Variants in AKR1B1 observed in about 807,000 individuals in gnomAD.
AKR1B1 encodes aldo-keto reductase family 1 member B.
In AKR1B1, 22 loss-of-function variants were observed where a neutral mutation model predicts 40.4. The ratio of observed to expected loss-of-function variants is 0.54; its 90% confidence interval spans 0.39 to 0.78. The LOEUF (loss-of-function observed/expected upper bound fraction) is 0.78, where lower values mean the gene tolerates loss of function less well. AKR1B1 is among the 30% of genes least tolerant of loss of function. The pLI, the probability that AKR1B1 is intolerant of heterozygous loss-of-function variation, is 0.00. For synonymous variants in AKR1B1, 157 were observed against 149.9 expected (o/e 1.05, Z -0.35); for missense variants, 357 against 396.7 (o/e 0.90, Z 0.85).
intron 5 of AKR1B1, 129 bp downstream of exon 5, chr7:134,448,868 T>G (rs17660462): frequency 0.19 from 206,393 of 1,108,912 alleles, 22,967 homozygotes; most frequent in Non-Finnish European, 0.23. Context: ...GAATCATAAC[T>G]CAGGACTCTG....
At position 134,442,710 on chromosome 7, in the gene AKR1B1, G is replaced by C. The variant is rs372374617; in HGVS notation, c.*18C>G. 1.2e-6 allele frequency: 2 copies of C among 1,613,618 alleles called. No individual in the cohort carries two copies. Among genetic ancestry groups the C allele is most frequent in the Non-Finnish European group, 1.7e-6 (2 of 1,179,600 alleles). Reference sequence around the variant, plus strand: ...ACACAGGTATAGGTCACTTGGGGACGAGCAGGCAACCACAGCTTCAAAACT... The same window carrying C: ...ACACAGGTATAGGTCACTTGGGGACCAGCAGGCAACCACAGCTTCAAAACT... On this transcript the variant is annotated 3_prime_UTR_variant, in exon 10 of 10. Coordinates refer to ENST00000285930, the MANE Select transcript of AKR1B1 (RefSeq NM_001628.4).
At position 134,449,709 on chromosome 7, in the gene AKR1B1, G is replaced by C. The variant is rs377548852; in HGVS notation, c.429+11C>G. On this transcript the variant is annotated intron_variant, in intron 4 of 9. Coordinates refer to ENST00000285930, the MANE Select transcript of AKR1B1 (RefSeq NM_001628.4). ...GTCACGAAAACAAGGTCCAACCAGG[G>C]GCTGTCTTACCGCCCACGTGTCCAG... 8.2e-5 allele frequency: 132 copies of C among 1,611,782 alleles called. No individual in the cohort carries two copies. The African/African-American group carries it at 1.3e-3, about 16-fold the overall frequency.
At chr7:134,458,916 G>A (rs1310026316) in intron 1 of AKR1B1, 81 bp downstream of exon 1, 1 of 1,474,770 alleles carries the variant, frequency 6.8e-7, no homozygotes, top group Admixed American at 2.0e-5. Flanking sequence ...GCTGCTCAGG[G>A]TCACTCGGGG....
At chr7:134,446,389 G>A (rs1806096630) in intron 8 of AKR1B1, among the ~76,000 whole-genome samples, 3 of 152,212 alleles carry the variant, frequency 2.0e-5, no homozygotes, top group Admixed American at 2.0e-4. Flanking sequence ...ACAGTCTTTG[G>A]GCAGTGGAAT....
Position 134,445,254 on chromosome 7 carries a change from C to G in AKR1B1, c.892G>C (p.Val298Leu). The change falls in exon 9 of 10, where the codon GTC becomes CTC. Residue 298 changes from valine (V) to leucine (L), a missense_variant. Coordinates refer to ENST00000285930, the MANE Select transcript of AKR1B1 (RefSeq NM_001628.4). Reference protein sequence around the residue: ...TLLSYNRNWRVCALLSCTSHK... With the variant: ...TLLSYNRNWRLCALLSCTSHK... ...CTCACTCACCTCAACAAGGCACAGA[C>G]CCTCCAGTTCCTGTTGTAGCTGAGT... The G allele has an allele frequency of 6.2e-7, 1 of 1,612,038 alleles. No homozygotes were observed. Among genetic ancestry groups the G allele is most frequent in the Non-Finnish European group, 8.5e-7 (1 of 1,179,650 alleles).
intron 8 of AKR1B1, 146 bp downstream of exon 8, chr7:134,447,150 TCA>T (rs1178902795): frequency 1.3e-6 from 1 of 762,544 alleles, no homozygotes; most frequent in Non-Finnish European, 2.2e-6. Context: ...GGTGTCAGTC[TCA>T]GTCTTGGCTT....
At position 134,450,894 on chromosome 7, in the gene AKR1B1, G is replaced by T; in HGVS notation, c.243C>A (p.Cys81Ter). The change falls in exon 3 of 10, where the codon TGC becomes TGA. Residue 81 changes from cysteine to a stop codon, truncating the protein, a stop_gained. Coordinates refer to ENST00000285930, the MANE Select transcript of AKR1B1 (RefSeq NM_001628.4). LOFTEE classifies it high-confidence loss of function. ...EELFIVSKLWCTYHEKGLVKG... is the reference protein window; with the variant it reads ...EELFIVSKLW The stretch of plus-strand genomic sequence containing the variant: ...TCACCAGGCCCTTCTCATGGTACGT[G>T]CACCACAGCTAAGCCAGCGAGAGGG... 6.2e-7 allele frequency: 1 copy of T among 1,613,908 alleles called. No individual in the cohort carries two copies. The highest frequency in any genetic ancestry group is 8.5e-7 in the Non-Finnish European group (1 of 1,179,856).
In AKR1B1 at chr7:134,442,572, T is replaced by G; in HGVS notation, c.*156A>C. On this transcript the variant is annotated 3_prime_UTR_variant, in exon 10 of 10. Transcript: ENST00000285930. ...ACTTCTACTCTACTGACAGGGCTCT[T>G]GAGATCCAACATCAAGCTAGACACG... 1 of 659,406 alleles carries G rather than the reference T, an allele frequency of 1.5e-6. No individual in the cohort carries two copies. Among genetic ancestry groups the G allele is most frequent in the Non-Finnish European group, 2.7e-6 (1 of 371,932 alleles). 40.8% of individuals were successfully genotyped at this position (659,406 alleles called of 1,614,324 possible).
chr7:134,456,265 C>T (rs1806468731), intron 1 of AKR1B1, among the ~76,000 whole-genome samples: 2 of 151,896 alleles, frequency 1.3e-5, no homozygotes, highest in Non-Finnish European at 2.9e-5. Context: ...AGTGGCGGGA[C>T]CTCGGCTCAC....
chr7:134,447,432 C>G, intron 7 of AKR1B1, 51 bp from the exon 8 acceptor site: 1 of 1,485,414 alleles, frequency 6.7e-7, no homozygotes, highest in Non-Finnish European at 9.4e-7. Flanking sequence ...GCACTCGCAC[C>G]CATCATCTCA....
At chr7:134,458,924 G>A (rs1376034893) in intron 1 of AKR1B1, 73 bp downstream of exon 1, 3 of 1,505,866 alleles carry the variant, frequency 2.0e-6, no homozygotes, top group Non-Finnish European at 2.7e-6. Flanking sequence ...GGGTCACTCG[G>A]GGTCCCTCGC....
intron 1 of AKR1B1, among the ~76,000 whole-genome samples, chr7:134,453,271 A>G (rs570094527): frequency 2.9e-4 from 44 of 152,322 alleles, no homozygotes; most frequent in African/African-American, 1.0e-3. Flanking sequence ...CTAGCCACGC[A>G]CTGCCTGCCA....
intron 9 of AKR1B1, 116 bp from the exon 10 acceptor site, chr7:134,442,886 A>G: frequency 9.9e-7 from 1 of 1,008,898 alleles, no homozygotes; most frequent in Non-Finnish European, 1.5e-6. Flanking sequence ...CCTCAGAGGC[A>G]ACAAGCTAGT....
intron 1 of AKR1B1, 190 bp from the exon 2 acceptor site, chr7:134,451,943 C>T (rs1806301690): frequency 6.1e-6 from 4 of 660,580 alleles, no homozygotes; most frequent in South Asian, 1.7e-5. Flanking sequence ...AAAGGCCACA[C>T]AGCATTGCCC....
chr7:134,446,025 T>C (rs1306878516), intron 8 of AKR1B1, among the ~76,000 whole-genome samples: 1 of 152,266 alleles, frequency 6.6e-6, no homozygotes, highest in Admixed American at 6.5e-5. Context: ...GATCACAGAA[T>C]GTGCAGAAAG....
At chr7:134,445,106 G>A in intron 9 of AKR1B1, 132 bp downstream of exon 9, 1 of 822,254 alleles carries the variant, frequency 1.2e-6, no homozygotes, top group Non-Finnish European at 2.0e-6. Flanking sequence ...GGCTGAGAAA[G>A]CAAGGTAATG....
chr7:134,452,814 G>A (rs1806330734), intron 1 of AKR1B1, among the ~76,000 whole-genome samples: 1 of 152,176 alleles, frequency 6.6e-6, no homozygotes, highest in Non-Finnish European at 1.5e-5. Flanking sequence ...AGGCTTTGGG[G>A]AAGAAAGGGG....
Position 134,448,016 on chromosome 7 carries a change from C to T in AKR1B1, c.705G>A (p.Lys235=), listed in dbSNP as rs1294367839. The change falls in exon 7 of 10, where the codon AAG becomes AAA. Residue 235 remains lysine, a synonymous_variant. Transcript: ENST00000285930. ...TTTTATTGTGCTTGGCTGCGATCGC[C>T]TTGATCCTGGGATCCTCCAGGAGAG... ...DPSLLEDPRI[K]AIAAKHNKTT... is the part of the protein sequence containing the mutation. 1 of 1,613,238 alleles carries T rather than the reference C, an allele frequency of 6.2e-7. No individual in the cohort carries two copies. The highest frequency in any genetic ancestry group is 1.3e-5 in the African/African-American group (1 of 74,808).
chr7:134,459,048 G>C lies in AKR1B1; in HGVS notation c.15C>G (p.Leu5=), dbSNP rs748045958. The change falls in exon 1 of 10, where the codon CTC becomes CTG. Residue 5 remains leucine (L), a synonymous_variant. Coordinates refer to ENST00000285930, the MANE Select transcript of AKR1B1 (RefSeq NM_001628.4). Reference sequence around the variant, plus strand: ...GCATCTTGGCGCCGTTGTTGAGCAGGAGACGGCTTGCCATGGCTGCTGCGC... The same window carrying C: ...GCATCTTGGCGCCGTTGTTGAGCAGCAGACGGCTTGCCATGGCTGCTGCGC... The part of the protein sequence containing the change: MASR[L]LLNNGAKMPI... 1.9e-6 allele frequency: 3 copies of C among 1,606,586 alleles called. No individual in the cohort carries two copies. Among genetic ancestry groups the C allele is most frequent in the Non-Finnish European group, 2.5e-6 (3 of 1,177,250 alleles).
Sources: allele counts gnomAD v4.1 joint callset (sites outside exome capture counted in the v4.1 genomes callset), GRCh38; gene constraint gnomAD v4.1.1; transcripts MANE v1.5; gene names NCBI Gene and HGNC (gene_info 2026-07-23, HGNC 2026-07-21).